PPP2R5C: variants seen among roughly 807,000 people sequenced by gnomAD.
The protein encoded by PPP2R5C is serine/threonine-protein phosphatase 2A 56 kDa regulatory subunit gamma isoform.
PPP2R5C carries 7 observed loss-of-function variants against 68.9 expected under a neutral mutation model. That is an observed-to-expected ratio of 0.10 (90% CI 0.06 to 0.19). The LOEUF (loss-of-function observed/expected upper bound fraction) is 0.19, where lower values mean the gene tolerates loss of function less well. Among genes scored for constraint, PPP2R5C ranks in the 10% least tolerant of loss-of-function variants. PPP2R5C has a pLI of 1.00. For missense variants in PPP2R5C, 348 were observed against 641.3 expected, an observed-to-expected ratio of 0.54 and a Z score of 4.94; for synonymous variants, 210 against 222.2, an observed-to-expected ratio of 0.95 and a Z score of 0.49.
intron 5 of PPP2R5C, among the ~76,000 whole-genome samples, chr14:101,887,075 G>GA (rs1292777228): frequency 1.3e-5 from 2 of 152,150 alleles, no homozygotes; most frequent in Admixed American, 6.5e-5. Flanking sequence ...TGTCTTGTAA[G>GA]AAAAAACATT....
At chr14:101,864,479 C>G (rs897018000) in intron 2 of PPP2R5C, among the ~76,000 whole-genome samples, 1 of 152,092 alleles carries the variant, frequency 6.6e-6, no homozygotes, top group Non-Finnish European at 1.5e-5. Context: ...GTCTGGGAGA[C>G]AAGAAGAGGC....
chr14:101,810,357 G>T, intron 1 of PPP2R5C: 1 of 231,730 alleles, frequency 4.3e-6, no homozygotes, highest in East Asian at 1.0e-4. Flanking sequence ...GTATTGGGTG[G>T]GGGTAGGAAG....
intron 2 of PPP2R5C, chr14:101,766,571 C>T (rs2036871262): frequency 6.6e-6 from 1 of 152,216 alleles, no homozygotes; most frequent in African/African-American, 2.4e-5. Flanking sequence ...CTAGAAACTT[C>T]TACTCCTTGA....
At chr14:101,816,363 C>T (rs551475239) in intron 1 of PPP2R5C, among the ~76,000 whole-genome samples, 7 of 152,182 alleles carry the variant, frequency 4.6e-5, no homozygotes, top group African/African-American at 1.7e-4. Context: ...ATGGGGGAAA[C>T]CAGTACTCCC....
At chr14:101,789,152 C>A (rs529998890) in intron 3 of PPP2R5C, among the ~76,000 whole-genome samples, 1 of 152,308 alleles carries the variant, frequency 6.6e-6, no homozygotes, top group South Asian at 2.1e-4. Context: ...GCAATAGATT[C>A]TTTTATCTCT....
rs1249922507 is a variant in PPP2R5C at position 101,875,689 on chromosome 14, A to G, written c.295-6472A>G. Among the ~76,000 whole-genome samples the G allele has an allele frequency of 2.0e-5, 3 of 152,216 alleles. No homozygotes were observed. In the East Asian group the frequency reaches 5.8e-4, roughly 29 times the overall value. On this transcript the variant is annotated intron_variant, in intron 2 of 13. Transcript: ENST00000334743. ...CTTTACAAATGGGGAAAGGGGTAGT[A>G]TCTCCCTTTAAGACTGCTACTACGA...
intron 5 of PPP2R5C, among the ~76,000 whole-genome samples, chr14:101,887,880 G>T (rs1000498108): frequency 5.3e-5 from 8 of 152,158 alleles, no homozygotes; most frequent in Non-Finnish European, 1.2e-4. Flanking sequence ...TGTCTGGGGG[G>T]TCTGATTCCC....
intron 1 of PPP2R5C, among the ~76,000 whole-genome samples, chr14:101,812,216 G>C (rs892045206): frequency 1.3e-5 from 2 of 152,190 alleles, no homozygotes; most frequent in Non-Finnish European, 2.9e-5. Context: ...AGTGCTGAGC[G>C]TCATTACAGT....
chr14:101,819,107 A>G, intron 1 of PPP2R5C: 3 of 1,514,386 alleles, frequency 2.0e-6, no homozygotes, highest in East Asian at 2.5e-5. Flanking sequence ...GGGTGTCTGT[A>G]TATGTGTGTT....
chr14:101,889,706 C>T (rs1035314231), intron 5 of PPP2R5C: 12 of 293,744 alleles, frequency 4.1e-5, no homozygotes, highest in Admixed American at 3.5e-4. Context: ...ACGGAGGATG[C>T]GTGTGGGTGT....
At chr14:101,833,774 C>G (rs1031006523) in intron 1 of PPP2R5C, among the ~76,000 whole-genome samples, 1 of 152,112 alleles carries the variant, frequency 6.6e-6, no homozygotes, top group Non-Finnish European at 1.5e-5. Context: ...GTTTTCACTT[C>G]CCAGCTTTAT....
At chr14:101,806,242 A>T (rs1373405756), upstream of PPP2R5C, among the ~76,000 whole-genome samples, 4 of 151,792 alleles carry the variant, frequency 2.6e-5, no homozygotes, top group Non-Finnish European at 5.9e-5. Context: ...TATTTGTCCA[A>T]ATGCTCTCCC....
At chr14:101,920,129 T>C (rs930599867) in intron 13 of PPP2R5C, among the ~76,000 whole-genome samples, 2 of 152,232 alleles carry the variant, frequency 1.3e-5, no homozygotes, top group African/African-American at 4.8e-5. Context: ...TGTGTGCATA[T>C]TTGCAATTTA....
chr14:101,925,413 C>CCGCG, exon 14 of PPP2R5C: 1 of 1,368,130 alleles, frequency 7.3e-7, no homozygotes, highest in East Asian at 2.6e-5. Flanking sequence ...GTGCGTCCGC[C>CCGCG]TCAGCGCGAG....
chr14:101,834,662 G>A (rs767920813), intron 1 of PPP2R5C, among the ~76,000 whole-genome samples: 2 of 152,198 alleles, frequency 1.3e-5, no homozygotes, highest in Admixed American at 6.5e-5. Flanking sequence ...CTGTCAAGTC[G>A]CTTGGGGACA....
intron 2 of PPP2R5C, among the ~76,000 whole-genome samples, chr14:101,878,212 TATTTTCTCTGAGGACC>T (rs2043915539): frequency 6.6e-6 from 1 of 152,206 alleles, no homozygotes; most frequent in South Asian, 2.1e-4. Context: ...CACCCTTCAT[TATTTTCTCTGAGGACC>T]CATCTCCAAA....
At chr14:101,803,766 A>G (rs1299922528) in intron 3 of PPP2R5C, among the ~76,000 whole-genome samples, 1 of 152,062 alleles carries the variant, frequency 6.6e-6, no homozygotes, top group African/African-American at 2.4e-5. Context: ...AGACTGTGAC[A>G]CTACTACAAG....
At chr14:101,910,705 T>C (rs1166164341) in intron 11 of PPP2R5C, among the ~76,000 whole-genome samples, 2 of 151,514 alleles carry the variant, frequency 1.3e-5, no homozygotes, top group South Asian at 2.1e-4. Flanking sequence ...TGGTGGCTCA[T>C]GCCTGTAATC....
chr14:101,915,412 C>T lies in PPP2R5C; in HGVS notation c.1327-2419C>T, dbSNP rs558213282. ...AAGGTTTTTATTCCTAGTCAGAACC[C>T]TCTCCTGCCAGTGCCCGCTGTGTGA... On this transcript the variant is annotated intron_variant, in intron 12 of 13. Coordinates refer to ENST00000334743, the Ensembl canonical transcript of PPP2R5C. The surrounding 1 kb of genome is among the most constrained non-coding windows in gnomAD (Gnocchi z 4.2). 1.3e-5 allele frequency among the ~76,000 whole-genome samples: 2 copies of T among 152,164 alleles called. No homozygotes were observed. Among genetic ancestry groups the T allele is most frequent in the African/African-American group, 2.4e-5 (1 of 41,458 alleles).
Sources: gnomAD v4.1 joint callset for allele counts (sites outside exome capture counted in the v4.1 genomes callset) on GRCh38, gnomAD v4.1.1 for gene constraint, Gnocchi (gnomAD v3.1) non-coding constraint, MANE v1.5 for transcripts, NCBI Gene and HGNC (gene_info 2026-07-23, HGNC 2026-07-21) for gene names.